The following SRBD1 variants were observed in gnomAD, a reference collection of about 807,000 sequenced individuals.
The protein encoded by SRBD1 is S1 RNA binding domain 1, also known as S1 RNA-binding domain-containing protein 1.
In SRBD1, 88 loss-of-function variants were observed where a neutral mutation model predicts 115.3. The observed-to-expected ratio is 0.76, with a 90% CI of 0.64 to 0.91. SRBD1 has a LOEUF of 0.91. Among genes scored for constraint, SRBD1 ranks in the 40% least tolerant of loss-of-function variants. The probability of loss-of-function intolerance (pLI) is 0.00; values close to 1 mark genes in which losing one functional copy is unlikely to be tolerated. For synonymous variants in SRBD1, 509 were observed against 407.7 expected (o/e 1.25, Z -2.99); for missense variants, 1,385 against 1,177.4 (o/e 1.18, Z -2.58).
Position 45,463,689 on chromosome 2 carries a change from G to T in SRBD1, c.2049+13304C>A, listed in dbSNP as rs546905960. Among the ~76,000 whole-genome samples the T allele has an allele frequency of 1.4e-4, 21 of 152,220 alleles. 1 individual carries two copies. The South Asian group carries it at 4.4e-3, about 32-fold the overall frequency. On this transcript the variant is annotated intron_variant, in intron 16 of 20. Transcript: ENST00000263736. ...TCCAAGATTGTTAGTGTGCCAAATG[G>T]TTATCCACATATAATTATATCCCAA...
At position 45,611,232 on chromosome 2, in the gene SRBD1, A is replaced by T. The variant is rs1477856251; in HGVS notation, c.-14T>A. On this transcript the variant is annotated 5_prime_UTR_variant, in exon 1 of 21. Transcript: ENST00000263736. ...CGCACAGCTCACCTTCCCGCCCGGC[A>T]CGTCAGAAGACCCGAGATTCCGTGA... The T allele has an allele frequency of 6.6e-6, 1 of 152,228 alleles. No individual in the cohort carries two copies. The highest frequency in any genetic ancestry group is 2.4e-5 in the African/African-American group (1 of 41,474). 9.4% of individuals were successfully genotyped at this position (152,228 alleles called of 1,614,324 possible).
At chr2:45,435,114 T>A (rs1668454118) in intron 16 of SRBD1, among the ~76,000 whole-genome samples, 1 of 152,202 alleles carries the variant, frequency 6.6e-6, no homozygotes, top group Non-Finnish European at 1.5e-5. Context: ...CATCCTTTTT[T>A]ATGGATGCTT....
intron 14 of SRBD1, among the ~76,000 whole-genome samples, chr2:45,521,374 A>T (rs1006777833): frequency 6.6e-6 from 1 of 151,970 alleles, no homozygotes; most frequent in Non-Finnish European, 1.5e-5. Context: ...CAATTAAGAG[A>T]TACAAATAGC....
chr2:45,509,867 T>C (rs1670914063), intron 14 of SRBD1, among the ~76,000 whole-genome samples: 1 of 152,250 alleles, frequency 6.6e-6, no homozygotes, highest in South Asian at 2.1e-4. Flanking sequence ...CCTGAGTAGC[T>C]GGGATTACAG....
intron 14 of SRBD1, among the ~76,000 whole-genome samples, chr2:45,516,428 T>C (rs1281406656): frequency 1.3e-5 from 2 of 152,204 alleles, no homozygotes; most frequent in East Asian, 3.9e-4. Context: ...TTAAAAATGA[T>C]GAGAAGCCTT....
At chr2:45,432,566 C>T (rs537655423) in intron 16 of SRBD1, among the ~76,000 whole-genome samples, 1 of 152,230 alleles carries the variant, frequency 6.6e-6, no homozygotes, top group Admixed American at 6.5e-5. Context: ...TTTAGATTTG[C>T]TGAAAGCTGA....
chr2:45,471,983 T>C (rs1026642040), intron 16 of SRBD1, among the ~76,000 whole-genome samples: 3 of 152,108 alleles, frequency 2.0e-5, no homozygotes, highest in African/African-American at 7.2e-5. Context: ...TTCTGAGGTA[T>C]ACATCCAAGA....
chr2:45,408,419 T>G (rs942098213), intron 19 of SRBD1, among the ~76,000 whole-genome samples: 3 of 152,084 alleles, frequency 2.0e-5, no homozygotes, highest in Non-Finnish European at 2.9e-5. Flanking sequence ...AGGTCAGGAG[T>G]TGGACTGCAA....
At chr2:45,443,909 C>G (rs975845885) in intron 16 of SRBD1, among the ~76,000 whole-genome samples, 1 of 151,408 alleles carries the variant, frequency 6.6e-6, no homozygotes, top group African/African-American at 2.4e-5. Context: ...TCAGACCAGG[C>G]GCTTAATCTT....
intron 18 of SRBD1, among the ~76,000 whole-genome samples, chr2:45,413,658 T>G (rs1381493538): frequency 6.6e-6 from 1 of 152,146 alleles, no homozygotes; most frequent in Non-Finnish European, 1.5e-5. Context: ...CTTCGCGCAG[T>G]GGCTCACACC....
intron 16 of SRBD1, among the ~76,000 whole-genome samples, chr2:45,442,676 T>G (rs1446620345): frequency 6.6e-6 from 1 of 152,238 alleles, no homozygotes; most frequent in Non-Finnish European, 1.5e-5. Context: ...TTATTCATTC[T>G]CAACCCATCA....
At chr2:45,415,690 A>AT (rs1162271338) in intron 18 of SRBD1, among the ~76,000 whole-genome samples, 104 of 1,928 alleles carry the variant, frequency 0.054, 7 homozygotes, top group Non-Finnish European at 0.088. Context: ...AGGGGACGGG[A>AT]GAGGAGAGGA....
At chr2:45,599,890 G>A (rs1369320898) in intron 3 of SRBD1, 55 bp from the exon 4 acceptor site, 1 of 1,523,422 alleles carries the variant, frequency 6.6e-7, no homozygotes, top group Non-Finnish European at 8.8e-7. Context: ...GCAATTTCCT[G>A]GGACTATTAC....
chr2:45,544,322 C>T (rs1056516177), intron 14 of SRBD1, among the ~76,000 whole-genome samples: 10 of 151,992 alleles, frequency 6.6e-5, no homozygotes, highest in African/African-American at 2.4e-4. Flanking sequence ...TACAAATAGC[C>T]TTAAAAATAG....
At chr2:45,558,685 A>ATTTTTTTT (rs1214807980) in intron 10 of SRBD1, among the ~76,000 whole-genome samples, 8 of 89,528 alleles carry the variant, frequency 8.9e-5, no homozygotes, top group South Asian at 3.6e-4. Flanking sequence ...CCACACAATT[A>ATTTTTTTT]TTTTTTTTTT....
intron 16 of SRBD1, among the ~76,000 whole-genome samples, chr2:45,423,285 C>T (rs1426829627): frequency 2.0e-5 from 3 of 152,114 alleles, no homozygotes. Flanking sequence ...AAATGGAATG[C>T]TCAAGTGATA....
intron 14 of SRBD1, among the ~76,000 whole-genome samples, chr2:45,518,792 T>G (rs564098437): frequency 2.6e-4 from 39 of 152,216 alleles, no homozygotes; most frequent in South Asian, 1.0e-3. Flanking sequence ...CAAACACAAA[T>G]ATCTAATTTG....
In SRBD1 at chr2:45,420,094, C is replaced by A. The variant is rs147611217; in HGVS notation, c.2050-200G>T. 1.2e-3 allele frequency among the ~76,000 whole-genome samples: 179 copies of A among 152,236 alleles called. 2 individuals are homozygous for A. Among genetic ancestry groups the A allele is most frequent in the African/African-American group, 4.2e-3 (175 of 41,534 alleles). ...ACTCTTTTAAGCTATGCATATATAC[C>A]TAATTTGAATATAACAGTACCAGTA... On this transcript the variant is annotated intron_variant, in intron 16 of 20. Coordinates refer to ENST00000263736, the MANE Select transcript of SRBD1 (RefSeq NM_018079.5).
chr2:45,430,653 T>C (rs1022061100), intron 16 of SRBD1, among the ~76,000 whole-genome samples: 13 of 152,142 alleles, frequency 8.5e-5, no homozygotes, highest in African/African-American at 2.9e-4. Context: ...TCAAGATGGA[T>C]TAAAGACTTA....
Sources: allele counts gnomAD v4.1 joint callset (sites outside exome capture counted in the v4.1 genomes callset), GRCh38; gene constraint gnomAD v4.1.1; transcripts MANE v1.5; gene names NCBI Gene and HGNC (gene_info 2026-07-23, HGNC 2026-07-21).